Variants in COL22A1 observed in about 807,000 individuals in gnomAD.
The protein encoded by COL22A1 is collagen alpha-1(XXII) chain.
A neutral mutation model predicts 248.9 loss-of-function variants in COL22A1; 221 were observed. The ratio of observed to expected loss-of-function variants is 0.89; its 90% confidence interval spans 0.80 to 0.99. The LOEUF (loss-of-function observed/expected upper bound fraction) is 0.99. Among genes scored for constraint, COL22A1 ranks in the 50% least tolerant of loss-of-function variants. The probability of loss-of-function intolerance (pLI) is 0.00; values close to 1 mark genes in which losing one functional copy is unlikely to be tolerated. For synonymous variants in COL22A1, 891 were observed against 793.4 expected, an observed-to-expected ratio of 1.12 and a Z score of -2.07; for missense variants, 2,240 against 2,179.0, an observed-to-expected ratio of 1.03 and a Z score of -0.56.
intron 22 of COL22A1, among the ~76,000 whole-genome samples, chr8:138,738,804 T>C (rs964513613): frequency 6.6e-6 from 1 of 152,206 alleles, no homozygotes; most frequent in Non-Finnish European, 1.5e-5. Context: ...ATTGTAAAAC[T>C]TGATATCGTC....
At chr8:138,784,851 GATT>G (rs1397472298) in intron 12 of COL22A1, among the ~76,000 whole-genome samples, 1 of 152,136 alleles carries the variant, frequency 6.6e-6, no homozygotes. Flanking sequence ...GATTAGATTA[GATT>G]TAATCTGCCC....
intron 44 of COL22A1, among the ~76,000 whole-genome samples, chr8:138,658,419 C>A (rs1276316456): frequency 6.6e-6 from 1 of 152,152 alleles, no homozygotes; most frequent in Non-Finnish European, 1.5e-5. Context: ...GTCTGACCTC[C>A]AGAGAGGATG....
chr8:138,843,405 G>A (rs1189372493), intron 4 of COL22A1, among the ~76,000 whole-genome samples: 1 of 152,136 alleles, frequency 6.6e-6, no homozygotes, highest in East Asian at 1.9e-4. Flanking sequence ...CAGGGGCATT[G>A]GCAAGAAGAG....
At chr8:138,768,118 C>T (rs1183465762) in intron 16 of COL22A1, among the ~76,000 whole-genome samples, 2 of 152,160 alleles carry the variant, frequency 1.3e-5, no homozygotes, top group Admixed American at 6.5e-5. Context: ...CCGCCTCTGC[C>T]CTCGATCCGA....
In COL22A1 at chr8:138,598,242, C is replaced by T. The variant is rs115971820; in HGVS notation, c.4365+477G>A. 5.1e-3 allele frequency among the ~76,000 whole-genome samples: 769 copies of T among 152,228 alleles called. 4 individuals are homozygous for T. The highest frequency in any genetic ancestry group is 0.017 in the African/African-American group (720 of 41,540). On this transcript the variant is annotated intron_variant, in intron 61 of 64. Coordinates refer to ENST00000303045, the MANE Select transcript of COL22A1 (RefSeq NM_152888.3). Reference sequence around the variant, plus strand: ...GTTCCCAGCTTTGGAGAAAGAGAGACGCAGGGGGACGAAGGAGTACTCTAG... The same window carrying T: ...GTTCCCAGCTTTGGAGAAAGAGAGATGCAGGGGGACGAAGGAGTACTCTAG...
intron 37 of COL22A1, 87 bp from the exon 38 acceptor site, chr8:138,685,399 G>T: frequency 9.7e-7 from 1 of 1,034,612 alleles, no homozygotes; most frequent in Non-Finnish European, 1.5e-6. Context: ...AGGTTTGTAG[G>T]TTTCCTGGGG....
intron 41 of COL22A1, among the ~76,000 whole-genome samples, chr8:138,664,467 C>T (rs1191585587): frequency 2.0e-5 from 3 of 152,114 alleles, no homozygotes; most frequent in Admixed American, 6.5e-5. Context: ...AGACTCTGTC[C>T]TGCCTTTCTG....
chr8:138,751,350 A>G (rs529078357), intron 22 of COL22A1, 108 bp downstream of exon 22: 1 of 746,294 alleles, frequency 1.3e-6, no homozygotes, highest in East Asian at 2.7e-5. Flanking sequence ...TCCAATATTC[A>G]TTTCAAGTCC....
rs563333361 is a variant in COL22A1, at chr8:138,775,691, G to A, written c.1803+275C>T. ...GTCTGGTCTGGAAACCCTAAACTCCGCCTTGGTGCAGAGGATGACAATACC... is the reference window on the plus strand; with the variant it reads ...GTCTGGTCTGGAAACCCTAAACTCCACCTTGGTGCAGAGGATGACAATACC... On this transcript the variant is annotated intron_variant, in intron 16 of 64. Transcript: ENST00000303045. Among the ~76,000 whole-genome samples the A allele has an allele frequency of 2.0e-4, 30 of 152,262 alleles. No homozygotes were observed. In the South Asian group the frequency reaches 4.1e-3, roughly 21 times the overall value.
At chr8:138,879,644 T>A (rs1420481451) in intron 2 of COL22A1, among the ~76,000 whole-genome samples, 3 of 129,448 alleles carry the variant, frequency 2.3e-5, no homozygotes, top group African/African-American at 6.0e-5. Flanking sequence ...TGAGCCAATA[T>A]CACATCACTG....
chr8:138,728,985 G>A (rs1830520742), intron 23 of COL22A1, among the ~76,000 whole-genome samples: 1 of 152,056 alleles, frequency 6.6e-6, no homozygotes, highest in African/African-American at 2.4e-5. Flanking sequence ...AACATCCCAG[G>A]AAGAAGCACA....
At chr8:138,794,537 A>G (rs1416912805) in intron 12 of COL22A1, among the ~76,000 whole-genome samples, 1 of 152,222 alleles carries the variant, frequency 6.6e-6, no homozygotes, top group Non-Finnish European at 1.5e-5. Flanking sequence ...TTTATTCAAA[A>G]GAGTTAGAAT....
At chr8:138,803,275 C>G (rs1288363398) in intron 10 of COL22A1, among the ~76,000 whole-genome samples, 1 of 152,166 alleles carries the variant, frequency 6.6e-6, no homozygotes. Flanking sequence ...TCTGCCACTT[C>G]CCAGGAGCAC....
At chr8:138,813,096 C>A (rs1818378840) in intron 7 of COL22A1, 77 bp from the exon 8 acceptor site, 1 of 1,091,010 alleles carries the variant, frequency 9.2e-7, no homozygotes, top group South Asian at 1.3e-5. Context: ...TCACACAGGC[C>A]CCGTCCTGGT....
At chr8:138,705,178 G>C (rs896119988) in intron 30 of COL22A1, among the ~76,000 whole-genome samples, 2 of 152,132 alleles carry the variant, frequency 1.3e-5, no homozygotes, top group African/African-American at 4.8e-5. Flanking sequence ...AAAGTGACGG[G>C]GAGAATGGAA....
intron 21 of COL22A1, among the ~76,000 whole-genome samples, chr8:138,752,189 C>T (rs934103973): frequency 2.0e-5 from 3 of 152,192 alleles, no homozygotes; most frequent in Admixed American, 6.5e-5. Flanking sequence ...GCACCCAGGT[C>T]CCCTGACAGA....
chr8:138,659,897 TG>T (rs1324323234), intron 44 of COL22A1, among the ~76,000 whole-genome samples: 1 of 152,174 alleles, frequency 6.6e-6, no homozygotes, highest in Non-Finnish European at 1.5e-5. Context: ...AGATGGCAAC[TG>T]GGAAGGCTGA....
At chr8:138,805,407 G>C (rs1177373765) in intron 10 of COL22A1, among the ~76,000 whole-genome samples, 3 of 143,500 alleles carry the variant, frequency 2.1e-5, no homozygotes, top group Middle Eastern at 8.5e-3. Flanking sequence ...ATGTGTGATA[G>C]TGTGTAAAGG....
intron 22 of COL22A1, 124 bp from the exon 23 acceptor site, chr8:138,737,701 C>T: frequency 3.0e-6 from 2 of 660,344 alleles, no homozygotes; most frequent in South Asian, 3.6e-5. Context: ...TAACAATTGT[C>T]CCTCAGGAGT....
Sources: gnomAD v4.1 joint callset for allele counts (sites outside exome capture counted in the v4.1 genomes callset) on GRCh38, gnomAD v4.1.1 for gene constraint, MANE v1.5 for transcripts, NCBI Gene and HGNC (gene_info 2026-07-23, HGNC 2026-07-21) for gene names.